The following SETD1B variants were observed in gnomAD, a reference collection of about 807,000 sequenced individuals.
The protein encoded by SETD1B is histone-lysine N-methyltransferase SETD1B.
SETD1B carries 7 observed loss-of-function variants against 148.0 expected under a neutral mutation model. That is an observed-to-expected ratio of 0.05 (90% CI 0.03 to 0.09). The LOEUF (loss-of-function observed/expected upper bound fraction) is 0.09. Ranked by LOEUF, SETD1B falls within the 10% of genes least tolerant of loss-of-function variation. The pLI, the probability that SETD1B is intolerant of heterozygous loss-of-function variation, is 1.00. For synonymous variants in SETD1B, 1,361 were observed against 1,186.5 expected (o/e 1.15, Z -3.02); for missense variants, 2,155 against 2,729.9 (o/e 0.79, Z 4.69).
At chr12:121,825,969 G>T (rs1876820999) in intron 13 of SETD1B, among the ~76,000 whole-genome samples, 2 of 152,018 alleles carry the variant, frequency 1.3e-5, no homozygotes, top group Non-Finnish European at 2.9e-5. Context: ...TTTTAATCCA[G>T]TAAATATCTG....
rs564332330 is a variant in SETD1B, at chr12:121,818,276, C to CG, written c.3418+372_3418+373insG. 3.0e-4 allele frequency among the ~76,000 whole-genome samples: 45 copies of CG among 152,274 alleles called. 1 individual carries two copies. The East Asian group carries it at 7.5e-3, about 25-fold the overall frequency. ...GCTGGAATTATCACTTTGTAACGAG[C>CG]AGTTGGCCGGACGCAGTGGCTTACA... On this transcript the variant is annotated intron_variant, in intron 10 of 16. Transcript: ENST00000604567.
Position 121,823,682 on chromosome 12 carries a change from C to T in SETD1B, c.5103C>T (p.Tyr1701=), listed in dbSNP as rs149007444. ...ACATCCGCTTCCTGTGTGTCACCTA[C>T]GAGCGACTGCTACAGCAGGACAATG... The part of the protein sequence containing the change: ...EEDIRFLCVT[Y]ERLLQQDNGM... Residue 1701 remains tyrosine, a synonymous_variant, in exon 12 of 17, where the codon TAC becomes TAT. Coordinates refer to ENST00000604567, the MANE Select transcript of SETD1B (RefSeq NM_001353345.2). The T allele has an allele frequency of 6.1e-5, 95 of 1,551,590 alleles. No individual in the cohort carries two copies. The Middle Eastern group carries it at 8.3e-4, about 14-fold the overall frequency.
At chr12:121,827,423 G>C in intron 13 of SETD1B, 96 bp from the exon 14 acceptor site, 1 of 1,415,386 alleles carries the variant, frequency 7.1e-7, no homozygotes, top group Non-Finnish European at 9.3e-7. Flanking sequence ...AGAGCAAGGA[G>C]CCCAGGACAC....
chr12:121,823,514 A>T lies in SETD1B; in HGVS notation c.4935A>T (p.Pro1645=), dbSNP rs1395859769. The change falls in exon 12 of 17, where the codon CCA becomes CCT. Residue 1645 remains proline, a synonymous_variant. Coordinates refer to ENST00000604567, the MANE Select transcript of SETD1B (RefSeq NM_001353345.2). Reference sequence around the variant, plus strand: ...AGAGCCGGGGGCCGTGGCGCCGGCCACCTAAGAAGCGCCATGAGGACCTGG... The same window carrying T: ...AGAGCCGGGGGCCGTGGCGCCGGCCTCCTAAGAAGCGCCATGAGGACCTGG... ...LAKSRGPWRR[P]PKKRHEDLVP... 1 of 1,550,686 alleles carries T rather than the reference A, an allele frequency of 6.4e-7. No individual in the cohort carries two copies. Among genetic ancestry groups the T allele is most frequent in the Non-Finnish European group, 8.7e-7 (1 of 1,146,874 alleles).
At chr12:121,825,515 GTGGGC>G in intron 13 of SETD1B, 149 bp downstream of exon 13, 2 of 619,564 alleles carry the variant, frequency 3.2e-6, no homozygotes, top group East Asian at 3.0e-5. Context: ...GGAGAGGCGG[GTGGGC>G]GGGGCCTAGG....
At position 121,823,545 on chromosome 12, in the gene SETD1B, C is replaced by G; in HGVS notation, c.4966C>G (p.Pro1656Ala). ...PKKRHEDLVP[P>A]AGSPELSPPQ... ...GAAGCGCCATGAGGACCTGGTGCCA[C>G]CTGCGGGCTCGCCCGAACTCTCGCC... is the stretch of plus-strand genomic sequence containing the variant. Residue 1656 changes from proline to alanine, a missense_variant, in exon 12 of 17, where the codon CCT (proline) becomes GCT (alanine). By Grantham distance (27) the Pro-to-Ala change is conservative. Transcript: ENST00000604567. The G allele has an allele frequency of 6.4e-7, 1 of 1,551,178 alleles. No individual in the cohort carries two copies. Among genetic ancestry groups the G allele is most frequent in the Non-Finnish European group, 8.7e-7 (1 of 1,146,928 alleles).
rs999486338 is a variant in SETD1B, at chr12:121,805,741, G to T, written c.274-94G>T. ...TTTTTTACCCTTTATTGTTTTCAAC[G>T]GGTGGGCGAGTTGCGGGCGGGGCGG... On this transcript the variant is annotated intron_variant, in intron 3 of 16. Transcript: ENST00000604567. This position sits in a 1 kb window ranked among gnomAD's most constrained non-coding sequence, Gnocchi z 4.2. 15 of 1,240,220 alleles carry T rather than the reference G, an allele frequency of 1.2e-5. No individual in the cohort carries two copies. In the African/African-American group the frequency reaches 1.9e-4, roughly 15 times the overall value. The allele number at this position is 1,240,220 out of a possible 1,614,324, so 76.8% of individuals were successfully genotyped here. A position where few individuals can be genotyped will look rare whatever the true frequency, so the allele number is the denominator to read the frequency against.
chr12:121,803,256 TAAAG>T (rs943785153), upstream of SETD1B: 6 of 151,424 alleles, frequency 4.0e-5, no homozygotes, highest in Admixed American at 2.0e-4. The surrounding 1 kb of genome is among the most constrained non-coding windows in gnomAD (Gnocchi z 4.7). Flanking sequence ...GGACCTTTAA[TAAAG>T]AAAGGGGAAG....
In SETD1B at chr12:121,828,085, G is replaced by T. The variant is rs1339054665; in HGVS notation, c.5727+15G>T. ...ACAGCTGCAACGTGAGTGCCCAGCG[G>T]GGGGTGGCCCCTGCCCCTGCTCCTG... On this transcript the variant is annotated intron_variant, in intron 16 of 16. Coordinates refer to ENST00000604567, the MANE Select transcript of SETD1B (RefSeq NM_001353345.2). 6.4e-7 allele frequency: 1 copy of T among 1,551,382 alleles called. No homozygotes were observed. The highest frequency in any genetic ancestry group is 8.7e-7 in the Non-Finnish European group (1 of 1,146,914).
chr12:121,811,127 AT>A (rs1178801864), intron 6 of SETD1B, among the ~76,000 whole-genome samples: 1 of 152,230 alleles, frequency 6.6e-6, no homozygotes, highest in Non-Finnish European at 1.5e-5. Context: ...CTAGGGATAA[AT>A]TCTGGCCTGA....
chr12:121,793,325 C>T, the SETD1B span: 1 of 1,450,280 alleles, frequency 6.9e-7, no homozygotes, highest in Non-Finnish European at 9.4e-7. Flanking sequence ...CCCCCTCACT[C>T]GTCCCGGATC....
upstream of SETD1B, chr12:121,799,721 G>GGGT (rs1875213140): frequency 1.5e-5 from 2 of 129,852 alleles, no homozygotes; most frequent in South Asian, 3.1e-4. Flanking sequence ...CGCAGCTGGG[G>GGGT]GGGGGGGGGT....
rs1473472724 is a variant in SETD1B, at chr12:121,817,141, C to G, written c.2824C>G (p.Leu942Val). 1 of 1,548,834 alleles carries G rather than the reference C, an allele frequency of 6.5e-7. No individual in the cohort carries two copies. Among genetic ancestry groups the G allele is most frequent in the African/African-American group, 1.4e-5 (1 of 73,044 alleles). Residue 942 changes from leucine to valine, a missense_variant, in exon 8 of 17, where the codon CTG (leucine) becomes GTG (valine). Leu to Val is a conservative substitution (Grantham distance 32). This residue lies in a region of SETD1B where 289 missense variants were observed against 423.7 expected (regional missense o/e 0.68). Coordinates refer to ENST00000604567, the MANE Select transcript of SETD1B (RefSeq NM_001353345.2). This position sits in a 1 kb window ranked among gnomAD's most constrained non-coding sequence, Gnocchi z 8.1. ...LLESWGKGEG[L>V]GYEGLGLGIG... Reference sequence around the variant, plus strand: ...GGAGTCATGGGGCAAGGGCGAGGGCCTGGGCTACGAGGGCCTGGGCCTGGG... The same window carrying G: ...GGAGTCATGGGGCAAGGGCGAGGGCGTGGGCTACGAGGGCCTGGGCCTGGG...
chr12:121,802,973 T>C (rs1379540132), upstream of SETD1B: 3 of 152,268 alleles, frequency 2.0e-5, no homozygotes, highest in African/African-American at 7.2e-5. Flanking sequence ...CAGCGTCTAA[T>C]AACTCAAGCC....
chr12:121,813,098 C>T (rs2137558123), intron 6 of SETD1B, among the ~76,000 whole-genome samples: 1 of 152,272 alleles, frequency 6.6e-6, no homozygotes, highest in South Asian at 2.1e-4. Flanking sequence ...TGGGCAGGTC[C>T]TGGGCTCCAG....
chr12:121,825,042 G>A lies in SETD1B; in HGVS notation c.5171-158G>A, dbSNP rs74500679. Among the ~76,000 whole-genome samples, 867 of 152,056 alleles carry A rather than the reference G, an allele frequency of 5.7e-3. 16 individuals are homozygous for A. The highest frequency in any genetic ancestry group is 0.02 in the African/African-American group (833 of 41,468). ...CAACTAGGTATTGACCGTCAGCAGG[G>A]TTGGTCAGCGGGCAGCCACGTGGAG... On this transcript the variant is annotated intron_variant, in intron 12 of 16. Coordinates refer to ENST00000604567, the MANE Select transcript of SETD1B (RefSeq NM_001353345.2).
chr12:121,803,934 GGA>G (rs2137538809), upstream of SETD1B: 1 of 158,352 alleles, frequency 6.3e-6, no homozygotes, highest in African/African-American at 2.4e-5. This position sits in a 1 kb window ranked among gnomAD's most constrained non-coding sequence, Gnocchi z 4.7. Context: ...CGGCGAGGAA[GGA>G]GAGGGGAGGA....
chr12:121,794,019 G>A, the SETD1B span: 3 of 175,184 alleles, frequency 1.7e-5, no homozygotes, highest in Non-Finnish European at 2.4e-5. Flanking sequence ...CTGATTGGCT[G>A]GCGCGGCCAG....
At chr12:121,790,433 C>T in the SETD1B span, among the ~76,000 whole-genome samples, 1 of 152,388 alleles carries the variant, frequency 6.6e-6, no homozygotes, top group African/African-American at 2.4e-5. Flanking sequence ...CCATGGCTTT[C>T]TGTCCTGTTC....
Sources: gnomAD v4.1 joint callset for allele counts (sites outside exome capture counted in the v4.1 genomes callset) on GRCh38, gnomAD v4.1.1 for gene constraint, gnomAD v4.1.1 regional missense constraint, Gnocchi (gnomAD v3.1) non-coding constraint, MANE v1.5 for transcripts, NCBI Gene and HGNC (gene_info 2026-07-23, HGNC 2026-07-21) for gene names.